Variants in APPL2 observed in about 807,000 individuals in gnomAD.
APPL2 encodes adaptor protein, phosphotyrosine interacting with PH domain and leucine zipper 2, also known as DCC-interacting protein 13-beta.
Under a neutral mutation model 92.7 loss-of-function variants are expected in APPL2, and 84 were observed. The observed-to-expected ratio is 0.91, with a 90% CI of 0.76 to 1.09. APPL2 has a LOEUF of 1.09. Ranked by LOEUF, APPL2 falls within the 50% of genes least tolerant of loss-of-function variation. The probability of loss-of-function intolerance (pLI) is 0.00; values close to 1 mark genes in which losing one functional copy is unlikely to be tolerated. For synonymous variants in APPL2, 291 were observed against 291.0 expected (o/e 1.00, Z 0.00); for missense variants, 736 against 824.5 (o/e 0.89, Z 1.31).
At chr12:105,175,366 G>A (rs562160209) in intron 20 of APPL2, among the ~76,000 whole-genome samples, 4 of 152,190 alleles carry the variant, frequency 2.6e-5, no homozygotes, top group Non-Finnish European at 4.4e-5. Context: ...CTCCAAGACT[G>A]AACTGCACTA....
At chr12:105,202,413 C>T (rs1269018471) in intron 9 of APPL2, among the ~76,000 whole-genome samples, 1 of 152,206 alleles carries the variant, frequency 6.6e-6, no homozygotes, top group Non-Finnish European at 1.5e-5. Flanking sequence ...TGGCAACTCA[C>T]ACGCATGGGC....
At position 105,236,140 on chromosome 12, in the gene APPL2, G is replaced by A. The variant is rs1891215852; in HGVS notation, c.-128C>T. 1 of 409,090 alleles carries A rather than the reference G, an allele frequency of 2.4e-6. No homozygotes were observed. The highest frequency in any genetic ancestry group is 3.5e-5 in the African/African-American group (1 of 28,908). 25.3% of individuals were successfully genotyped at this position (409,090 alleles called of 1,614,324 possible). On this transcript the variant is annotated 5_prime_UTR_variant, in exon 1 of 21. Transcript: ENST00000258530. The stretch of plus-strand genomic sequence containing the variant: ...CACTCCGTGCCCGCGGCGGCCCCGC[G>A]CGCGTCCACGCCTGGCCAGTGGCCG...
chr12:105,206,271 A>T (rs1417755534), intron 8 of APPL2, among the ~76,000 whole-genome samples: 1 of 152,200 alleles, frequency 6.6e-6, no homozygotes, highest in Admixed American at 6.5e-5. Flanking sequence ...TAAGTTGGTG[A>T]CTTTTTCTTA....
At chr12:105,192,946 C>T (rs1887342118) in intron 14 of APPL2, among the ~76,000 whole-genome samples, 1 of 152,156 alleles carries the variant, frequency 6.6e-6, no homozygotes, top group Non-Finnish European at 1.5e-5. Flanking sequence ...CCCAAGAACA[C>T]AATTTCTCTG....
At chr12:105,188,504 G>C in intron 16 of APPL2, 57 bp from the exon 17 acceptor site, 1 of 1,578,400 alleles carries the variant, frequency 6.3e-7, no homozygotes, top group Middle Eastern at 1.7e-4. Flanking sequence ...CTGTTGATCT[G>C]CATACCAGGG....
chr12:105,229,309 C>A (rs1890750295), intron 1 of APPL2, 86 bp from the exon 2 acceptor site: 2 of 1,215,574 alleles, frequency 1.6e-6, no homozygotes, highest in Non-Finnish European at 2.3e-6. Flanking sequence ...CCCGCACATG[C>A]AGAAACCAGA....
At chr12:105,221,596 C>T (rs1890108624) in intron 2 of APPL2, among the ~76,000 whole-genome samples, 1 of 152,200 alleles carries the variant, frequency 6.6e-6, no homozygotes, top group Non-Finnish European at 1.5e-5. Flanking sequence ...AAGTCCCACA[C>T]TTTTCTAGTG....
rs1566044993 is a variant in APPL2 at position 105,176,964 on chromosome 12, A to C, written c.1724T>G (p.Leu575Arg). 6.2e-7 allele frequency: 1 copy of C among 1,614,132 alleles called. No homozygotes were observed. Among genetic ancestry groups the C allele is most frequent in the Non-Finnish European group, 8.5e-7 (1 of 1,180,012 alleles). The stretch of plus-strand genomic sequence containing the variant: ...AGGAACACGGATGACAAAACCAACC[A>C]GTCTCTTGTTTTCTTGATGAGCAGC... Reference protein sequence around the residue: ...QFAAHQENKRLVGFVIRVPES... With the variant: ...QFAAHQENKRRVGFVIRVPES... The change falls in exon 19 of 21, where the codon CTG (leucine) becomes CGG (arginine). Residue 575 changes from leucine (L) to arginine (R), a missense_variant. Leu to Arg is a moderately radical substitution (Grantham distance 102). Coordinates refer to ENST00000258530, the MANE Select transcript of APPL2 (RefSeq NM_018171.5).
intron 17 of APPL2, among the ~76,000 whole-genome samples, chr12:105,180,833 C>T (rs1012077297): frequency 5.9e-5 from 9 of 152,106 alleles, no homozygotes; most frequent in Non-Finnish European, 4.4e-5. Flanking sequence ...ACTTTGCTGA[C>T]GTTGCTTATC....
In APPL2 at chr12:105,188,254, A is replaced by AAAAT; in HGVS notation, c.1634+15_1634+18dup. The AAAAT allele has an allele frequency of 6.2e-7, 1 of 1,612,800 alleles. No homozygotes were observed. The highest frequency in any genetic ancestry group is 1.7e-5 in the Admixed American group (1 of 59,980). ...TTAGCTGAAGCCATAAGAAAGTCTG[A>AAAAT]AAATAAAACTGAACGTACCTCAAAG... On this transcript the variant is annotated intron_variant, in intron 17 of 20. Transcript: ENST00000258530.
intron 11 of APPL2, among the ~76,000 whole-genome samples, chr12:105,196,423 CTCTTTTTTT>C (rs1566067167): frequency 9.6e-6 from 1 of 103,642 alleles, no homozygotes; most frequent in African/African-American, 3.6e-5. Context: ...GAGGCGTTAA[CTCTTTTTTT>C]TTTTTTTTTT....
intron 4 of APPL2, among the ~76,000 whole-genome samples, chr12:105,214,988 G>A (rs986981462): frequency 5.3e-5 from 8 of 152,188 alleles, no homozygotes; most frequent in African/African-American, 1.9e-4. Flanking sequence ...AGAGGGCACG[G>A]AAGTTCCACG....
chr12:105,222,535 GA>G (rs1300663341), intron 2 of APPL2, among the ~76,000 whole-genome samples: 16 of 152,192 alleles, frequency 1.1e-4, no homozygotes, highest in Non-Finnish European at 7.3e-5. Context: ...TTCAGCCAAG[GA>G]ACTGAGGAGG....
At chr12:105,181,098 T>C (rs1260244455) in intron 17 of APPL2, among the ~76,000 whole-genome samples, 3 of 152,198 alleles carry the variant, frequency 2.0e-5, no homozygotes, top group South Asian at 4.1e-4. Flanking sequence ...GGCTGTGAGT[T>C]TGTCATAAAT....
At position 105,174,876 on chromosome 12, in the gene APPL2, T is replaced by TGGGGGG. The variant is rs59473626; in HGVS notation, c.1861-434_1861-429dup. ...CCATGCTGCTGCTGCTTTTTTTTGGTGGGGGGGGGGGTGGTGCGGCGGTTG... is the reference window on the plus strand; with the variant it reads ...CCATGCTGCTGCTGCTTTTTTTTGGTGGGGGGGGGGGGGGGGGTGGTGCGGCGGTTG... On this transcript the variant is annotated intron_variant, in intron 20 of 20. Transcript: ENST00000258530. Among the ~76,000 whole-genome samples the TGGGGGG allele has an allele frequency of 1.2e-3, 104 of 88,866 alleles. 1 individual carries two copies. The highest frequency in any genetic ancestry group is 4.6e-3 in the South Asian group (13 of 2,806). The allele number at this position is 88,866 out of a possible 152,430, so 58.3% of individuals were successfully genotyped here. A position where few individuals can be genotyped will look rare whatever the true frequency, so the allele number is the denominator to read the frequency against.
chr12:105,177,131 G>A (rs1469896730), intron 18 of APPL2, 95 bp downstream of exon 18: 11 of 1,594,622 alleles, frequency 6.9e-6, no homozygotes, highest in South Asian at 5.5e-5. Context: ...ATTAGTGGCA[G>A]ATCTTTATTA....
chr12:105,200,788 A>G (rs574212820), intron 9 of APPL2, among the ~76,000 whole-genome samples: 2 of 152,312 alleles, frequency 1.3e-5, no homozygotes, highest in East Asian at 3.9e-4. Context: ...TTCTGGAGGT[A>G]AGGAACGTTG....
chr12:105,194,003 T>C (rs1342106573), intron 14 of APPL2, among the ~76,000 whole-genome samples: 2 of 152,158 alleles, frequency 1.3e-5, no homozygotes, highest in Non-Finnish European at 2.9e-5. Flanking sequence ...CCATTCCTTC[T>C]CAGATACCCC....
intron 18 of APPL2, 84 bp downstream of exon 18, chr12:105,177,140 TAA>T: frequency 2.5e-6 from 4 of 1,596,732 alleles, no homozygotes; most frequent in Non-Finnish European, 3.4e-6. Flanking sequence ...AGATCTTTAT[TAA>T]TAAAGTGCCT....
Sources: allele counts gnomAD v4.1 joint callset (sites outside exome capture counted in the v4.1 genomes callset), GRCh38; gene constraint gnomAD v4.1.1; transcripts MANE v1.5; gene names NCBI Gene and HGNC (gene_info 2026-07-23, HGNC 2026-07-21).